Variants in CRPPA observed in about 807,000 individuals in gnomAD.
The protein encoded by CRPPA is CDP-L-ribitol pyrophosphorylase A.
In CRPPA, 43 loss-of-function variants were observed where a neutral mutation model predicts 52.0. That is an observed-to-expected ratio of 0.83 (90% CI 0.65 to 1.07). The LOEUF is 1.07. Among genes scored for constraint, CRPPA ranks in the 50% least tolerant of loss-of-function variants. CRPPA has a pLI of 0.00. For synonymous variants in CRPPA, 250 were observed against 203.5 expected, an observed-to-expected ratio of 1.23 and a Z score of -1.94; for missense variants, 629 against 551.7, an observed-to-expected ratio of 1.14 and a Z score of -1.40.
Position 16,403,578 on chromosome 7 carries a change from A to T in CRPPA, c.534+2483T>A, listed in dbSNP as rs538896307. On this transcript the variant is annotated intron_variant, in intron 2 of 9. Coordinates refer to ENST00000407010, the MANE Select transcript of CRPPA (RefSeq NM_001101426.4). ...AAAAATAATCAGTTAAGGAGTCTGTAGAAAACTATCTAAGACAACAAAAGG... is the reference window on the plus strand; with the variant it reads ...AAAAATAATCAGTTAAGGAGTCTGTTGAAAACTATCTAAGACAACAAAAGG... 3.3e-5 allele frequency among the ~76,000 whole-genome samples: 5 copies of T among 152,294 alleles called. No individual in the cohort carries two copies. The South Asian group carries it at 1.0e-3, about 32-fold the overall frequency.
intron 9 of CRPPA, 82 bp from the exon 10 acceptor site, chr7:16,091,881 A>T: frequency 1.3e-6 from 1 of 764,098 alleles, no homozygotes; most frequent in South Asian, 2.3e-5. Flanking sequence ...ACTTTTCAAG[A>T]TCTGCTGCGG....
intron 5 of CRPPA, among the ~76,000 whole-genome samples, chr7:16,295,021 C>T (rs1390999107): frequency 6.6e-6 from 1 of 152,088 alleles, no homozygotes; most frequent in African/African-American, 2.4e-5. Flanking sequence ...CACTCCAACA[C>T]AGTATTCCTA....
intron 9 of CRPPA, among the ~76,000 whole-genome samples, chr7:16,143,906 G>A (rs1782921517): frequency 2.0e-5 from 3 of 152,092 alleles, no homozygotes; most frequent in African/African-American, 7.2e-5. Context: ...CAAAAAAACG[G>A]AATTAGAATC....
At chr7:16,230,615 C>G (rs967908931) in intron 8 of CRPPA, among the ~76,000 whole-genome samples, 1 of 152,162 alleles carries the variant, frequency 6.6e-6, no homozygotes, top group African/African-American at 2.4e-5. Flanking sequence ...AATTCTTTGT[C>G]AGAAAGCTCA....
At chr7:16,154,287 A>T (rs1783132041) in intron 9 of CRPPA, among the ~76,000 whole-genome samples, 1 of 152,060 alleles carries the variant, frequency 6.6e-6, no homozygotes. Flanking sequence ...TTACAGAGGT[A>T]TACGTGTGCC....
intron 6 of CRPPA, among the ~76,000 whole-genome samples, chr7:16,264,107 A>T (rs2128414041): frequency 6.6e-6 from 1 of 152,304 alleles, no homozygotes; most frequent in South Asian, 2.1e-4. Flanking sequence ...ATGCTTGAGT[A>T]AAGAAACTTA....
intron 3 of CRPPA, among the ~76,000 whole-genome samples, chr7:16,350,392 T>A (rs1008917586): frequency 2.0e-5 from 3 of 152,088 alleles, no homozygotes; most frequent in Non-Finnish European, 2.9e-5. Context: ...GTAGTACAAA[T>A]GTTAAAAAAC....
At chr7:16,153,575 C>A (rs1316430145) in intron 9 of CRPPA, among the ~76,000 whole-genome samples, 1 of 152,076 alleles carries the variant, frequency 6.6e-6, no homozygotes. Context: ...CAGGTAAACA[C>A]ACAAACATAA....
At chr7:16,304,045 C>A (rs547686161) in intron 4 of CRPPA, among the ~76,000 whole-genome samples, 1 of 152,026 alleles carries the variant, frequency 6.6e-6, no homozygotes, top group African/African-American at 2.4e-5. Context: ...TTCAATTAAG[C>A]CTGTACAGTG....
At chr7:16,339,301 G>T (rs1346250552) in intron 3 of CRPPA, among the ~76,000 whole-genome samples, 1 of 151,982 alleles carries the variant, frequency 6.6e-6, no homozygotes, top group East Asian at 1.9e-4. Flanking sequence ...ATCCTCAACA[G>T]AATAGTAGCA....
intron 1 of CRPPA, among the ~76,000 whole-genome samples, chr7:16,417,894 C>G (rs1366919628): frequency 6.6e-6 from 1 of 152,138 alleles, no homozygotes; most frequent in African/African-American, 2.4e-5. Context: ...AGTGGTGACA[C>G]CCATTATTTT....
intron 8 of CRPPA, among the ~76,000 whole-genome samples, chr7:16,253,517 A>G (rs903354476): frequency 6.6e-6 from 1 of 152,152 alleles, no homozygotes; most frequent in Non-Finnish European, 1.5e-5. Context: ...GGAGTACTTT[A>G]CTTCCAACTA....
intron 8 of CRPPA, among the ~76,000 whole-genome samples, chr7:16,231,689 G>A (rs1583450998): frequency 7.0e-6 from 1 of 142,838 alleles, no homozygotes; most frequent in African/African-American, 2.4e-5. Context: ...AATATTAAAT[G>A]TGTAAAAATT....
chr7:16,166,402 C>T (rs1373698562), intron 9 of CRPPA, among the ~76,000 whole-genome samples: 1 of 152,182 alleles, frequency 6.6e-6, no homozygotes, highest in East Asian at 1.9e-4. Flanking sequence ...GCCTCAGCCT[C>T]CCAGGTAGCT....
At chr7:16,124,899 T>C (rs1440574417) in intron 9 of CRPPA, among the ~76,000 whole-genome samples, 2 of 151,840 alleles carry the variant, frequency 1.3e-5, no homozygotes, top group Non-Finnish European at 2.9e-5. Flanking sequence ...CTATTTTCAT[T>C]GAGGAGTGGA....
At chr7:16,123,911 C>T (rs1251741538) in intron 9 of CRPPA, among the ~76,000 whole-genome samples, 3 of 152,114 alleles carry the variant, frequency 2.0e-5, no homozygotes, top group East Asian at 3.8e-4. Flanking sequence ...TGCTACTCAT[C>T]GCTTTTCAAA....
chr7:16,398,624 A>G (rs1191124587), intron 2 of CRPPA, among the ~76,000 whole-genome samples: 4 of 152,058 alleles, frequency 2.6e-5, no homozygotes, highest in Non-Finnish European at 4.4e-5. Context: ...CATCACCAAC[A>G]TGACTGACAC....
chr7:16,155,692 CTGTT>C lies in CRPPA; in HGVS notation c.1251+60370_1251+60373del, dbSNP rs150200788. Among the ~76,000 whole-genome samples the C allele has an allele frequency of 5.6e-3, 854 of 152,226 alleles. 7 individuals are homozygous for C. The highest frequency in any genetic ancestry group is 0.019 in the African/African-American group (790 of 41,522). On this transcript the variant is annotated intron_variant, in intron 9 of 9. Coordinates refer to ENST00000407010, the MANE Select transcript of CRPPA (RefSeq NM_001101426.4). Reference sequence around the variant, plus strand: ...CATATACAAAATATCCATTAATAGACTGTTTGTGTTATCGATAAGGCTTGCATTC... The same window carrying C: ...CATATACAAAATATCCATTAATAGACTGTGTTATCGATAAGGCTTGCATTC...
At chr7:16,239,451 T>G (rs181155711) in intron 8 of CRPPA, among the ~76,000 whole-genome samples, 21 of 151,182 alleles carry the variant, frequency 1.4e-4, no homozygotes. Context: ...ACCATTAACT[T>G]TAATAAATGA....
Sources: gnomAD v4.1 joint callset for allele counts (sites outside exome capture counted in the v4.1 genomes callset) on GRCh38, gnomAD v4.1.1 for gene constraint, MANE v1.5 for transcripts, NCBI Gene and HGNC (gene_info 2026-07-23, HGNC 2026-07-21) for gene names.